CHCHD3: variants seen among roughly 807,000 people sequenced by gnomAD.
The protein encoded by CHCHD3 is MICOS complex subunit MIC19.
Under a neutral mutation model 38.2 loss-of-function variants are expected in CHCHD3, and 20 were observed. The observed-to-expected ratio is 0.52, with a 90% CI of 0.37 to 0.76. The LOEUF (loss-of-function observed/expected upper bound fraction) is 0.76, where lower values mean the gene tolerates loss of function less well. Ranked by LOEUF, CHCHD3 falls within the 30% of genes least tolerant of loss-of-function variation. The pLI, the probability that CHCHD3 is intolerant of heterozygous loss-of-function variation, is 0.00. For missense variants in CHCHD3, 245 were observed against 279.2 expected, an observed-to-expected ratio of 0.88 and a Z score of 0.87; for synonymous variants, 82 against 100.0, an observed-to-expected ratio of 0.82 and a Z score of 1.07.
Position 133,006,832 on chromosome 7 carries a change from G to A in CHCHD3, c.251+17714C>T, listed in dbSNP as rs962781200. ...CATTCTGAACCATTTATTTGGAACC[G>A]TAAATGTCTAATAGTGAACTACAAT... On this transcript the variant is annotated intron_variant, in intron 3 of 7. Coordinates refer to ENST00000262570, the MANE Select transcript of CHCHD3 (RefSeq NM_017812.4). 2.4e-4 allele frequency among the ~76,000 whole-genome samples: 36 copies of A among 152,280 alleles called. 1 individual carries two copies. Among genetic ancestry groups the A allele is most frequent in the African/African-American group, 7.2e-4 (30 of 41,576 alleles).
At chr7:132,836,123 T>TC (rs919544625) in intron 6 of CHCHD3, among the ~76,000 whole-genome samples, 23 of 152,076 alleles carry the variant, frequency 1.5e-4, no homozygotes, top group Admixed American at 5.9e-4. Context: ...TGTCTGATTT[T>TC]TTTTTTTTTA....
At chr7:132,987,591 A>G (rs1173651306) in intron 3 of CHCHD3, among the ~76,000 whole-genome samples, 2 of 152,248 alleles carry the variant, frequency 1.3e-5, no homozygotes, top group Non-Finnish European at 2.9e-5. Flanking sequence ...TAGAAGAAGC[A>G]GTGCCAGAAC....
intron 3 of CHCHD3, among the ~76,000 whole-genome samples, chr7:133,011,872 C>T (rs554525024): frequency 3.9e-5 from 6 of 152,190 alleles, no homozygotes; most frequent in East Asian, 1.9e-4. Flanking sequence ...CTTTCTGTTA[C>T]GAAGAAACAC....
At chr7:133,063,406 T>C (rs962522717) in intron 2 of CHCHD3, among the ~76,000 whole-genome samples, 3 of 152,182 alleles carry the variant, frequency 2.0e-5, no homozygotes, top group Non-Finnish European at 4.4e-5. Context: ...TTTCTTTACC[T>C]TATCTTTCCA....
At chr7:133,048,992 C>T (rs1318782589) in intron 2 of CHCHD3, among the ~76,000 whole-genome samples, 1 of 152,162 alleles carries the variant, frequency 6.6e-6, no homozygotes, top group Non-Finnish European at 1.5e-5. Flanking sequence ...TTTTCAATTC[C>T]ATAACCTCTT....
intron 4 of CHCHD3, among the ~76,000 whole-genome samples, chr7:132,971,497 C>G (rs941802869): frequency 5.3e-5 from 8 of 152,164 alleles, no homozygotes; most frequent in Non-Finnish European, 8.8e-5. Context: ...ACAGGGCCAT[C>G]ATGACTTTGC....
intron 4 of CHCHD3, among the ~76,000 whole-genome samples, chr7:132,974,850 G>C (rs1811719125): frequency 6.6e-6 from 1 of 151,692 alleles, no homozygotes; most frequent in South Asian, 2.1e-4. Context: ...CTCTAGCCTA[G>C]GCGACAGAGC....
intron 4 of CHCHD3, among the ~76,000 whole-genome samples, chr7:132,914,913 G>A (rs939640434): frequency 2.0e-5 from 3 of 152,208 alleles, no homozygotes; most frequent in Non-Finnish European, 2.9e-5. Flanking sequence ...TGTAATCCCA[G>A]CACTTCAGGA....
chr7:132,787,904 G>A (rs1297245820), intron 7 of CHCHD3, among the ~76,000 whole-genome samples: 2 of 152,136 alleles, frequency 1.3e-5, no homozygotes, highest in African/African-American at 4.8e-5. Flanking sequence ...TGCATTTAGG[G>A]AAAACAGGAA....
intron 6 of CHCHD3, among the ~76,000 whole-genome samples, chr7:132,797,364 A>G (rs972484252): frequency 6.6e-6 from 1 of 151,834 alleles, no homozygotes; most frequent in East Asian, 1.9e-4. Context: ...TACTTCACTC[A>G]AGTGTCAGCT....
intron 1 of CHCHD3, among the ~76,000 whole-genome samples, chr7:133,073,214 C>G (rs1304872421): frequency 6.6e-6 from 1 of 152,104 alleles, no homozygotes; most frequent in Non-Finnish European, 1.5e-5. Context: ...ATCCTGCTGT[C>G]CTGGTTCTCC....
At chr7:132,810,691 A>G (rs1807045939) in intron 6 of CHCHD3, among the ~76,000 whole-genome samples, 1 of 152,212 alleles carries the variant, frequency 6.6e-6, no homozygotes, top group Non-Finnish European at 1.5e-5. Context: ...GGACCAAATA[A>G]TGCATTTCTC....
intron 2 of CHCHD3, chr7:133,034,462 AT>A: frequency 1.4e-6 from 1 of 720,896 alleles, no homozygotes; most frequent in Non-Finnish European, 2.2e-6. Context: ...TTTTAAAAAA[AT>A]GCATCTATAA....
chr7:132,959,135 C>G (rs1811250435), intron 4 of CHCHD3, among the ~76,000 whole-genome samples: 1 of 152,180 alleles, frequency 6.6e-6, no homozygotes, highest in Non-Finnish European at 1.5e-5. Context: ...TTTGAAAAGG[C>G]ATAACCTGGC....
chr7:132,982,318 T>C (rs969065113), intron 3 of CHCHD3, among the ~76,000 whole-genome samples: 14 of 152,346 alleles, frequency 9.2e-5, no homozygotes, highest in Admixed American at 9.2e-4. Flanking sequence ...GGAGTCTCAC[T>C]CTGTCTCCCA....
At chr7:133,068,002 G>A (rs1038569834) in intron 2 of CHCHD3, among the ~76,000 whole-genome samples, 1 of 151,984 alleles carries the variant, frequency 6.6e-6, no homozygotes, top group Non-Finnish European at 1.5e-5. Flanking sequence ...TGTAGTCCCA[G>A]CTACTCAGGA....
At position 132,999,513 on chromosome 7, in the gene CHCHD3, C is replaced by A. The variant is rs111755777; in HGVS notation, c.252-24227G>T. Among the ~76,000 whole-genome samples the A allele has an allele frequency of 3.9e-5, 6 of 152,246 alleles. 1 individual carries two copies. Among genetic ancestry groups the A allele is most frequent in the African/African-American group, 1.4e-4 (6 of 41,560 alleles). On this transcript the variant is annotated intron_variant, in intron 3 of 7. Coordinates refer to ENST00000262570, the MANE Select transcript of CHCHD3 (RefSeq NM_017812.4). ...TGGTTATTATAATAAAAGGAAATGG[C>A]ACTTTGTATATTGCCTTATTCTGTT...
At position 132,991,424 on chromosome 7, in the gene CHCHD3, A is replaced by G. The variant is rs75477568; in HGVS notation, c.252-16138T>C. On this transcript the variant is annotated intron_variant, in intron 3 of 7. Coordinates refer to ENST00000262570, the MANE Select transcript of CHCHD3 (RefSeq NM_017812.4). ...TGCATGTGGCAGCCTTGATCTTTAA[A>G]TGGGTAATTGTGCCCAGTCACAATT... 1.5e-3 allele frequency among the ~76,000 whole-genome samples: 221 copies of G among 152,324 alleles called. 1 individual carries two copies. The highest frequency in any genetic ancestry group is 2.6e-3 in the Non-Finnish European group (175 of 68,026).
chr7:132,990,126 T>G (rs1482927069), intron 3 of CHCHD3, among the ~76,000 whole-genome samples: 1 of 152,042 alleles, frequency 6.6e-6, no homozygotes, highest in Non-Finnish European at 1.5e-5. Flanking sequence ...TGAGCCGAGA[T>G]CACGCCATTG....
Sources: allele counts gnomAD v4.1 joint callset (sites outside exome capture counted in the v4.1 genomes callset), GRCh38; gene constraint gnomAD v4.1.1; transcripts MANE v1.5; gene names NCBI Gene and HGNC (gene_info 2026-07-23, HGNC 2026-07-21).